Variants in ATP1A3 observed in about 807,000 individuals in gnomAD.
ATP1A3 encodes sodium/potassium-transporting ATPase subunit alpha-3.
ATP1A3 carries 12 observed loss-of-function variants against 108.8 expected under a neutral mutation model. That is an observed-to-expected ratio of 0.11 (90% CI 0.07 to 0.18). The LOEUF is 0.18. ATP1A3 is among the 10% of genes least tolerant of loss of function. The pLI is 1.00. For synonymous variants in ATP1A3, 539 were observed against 564.5 expected, an observed-to-expected ratio of 0.95 and a Z score of 0.64; for missense variants, 498 against 1,387.7, an observed-to-expected ratio of 0.36 and a Z score of 10.19.
rs782706785 is a variant in ATP1A3, at chr19:41,994,099, A to G, written c.-23T>C. ...CATCTTGGCGGCTCCGCGGCGAGAG[A>G]GCCAGGCGGGCGGGGCGGGGACCTC... On this transcript the variant is annotated 5_prime_UTR_variant, in exon 1 of 23. Transcript: ENST00000648268. 15 of 1,586,436 alleles carry G rather than the reference A, an allele frequency of 9.5e-6. No individual in the cohort carries two copies. The highest frequency in any genetic ancestry group is 1.3e-5 in the Non-Finnish European group (15 of 1,170,392).
chr19:41,974,044 A>G (rs947816501), intron 16 of ATP1A3, among the ~76,000 whole-genome samples: 9 of 152,202 alleles, frequency 5.9e-5, no homozygotes, highest in Admixed American at 5.2e-4. Flanking sequence ...CAGCCTGGCT[A>G]ACATGGTGAA....
chr19:41,980,119 C>A (rs911014540), intron 11 of ATP1A3, among the ~76,000 whole-genome samples: 16 of 152,376 alleles, frequency 1.1e-4, no homozygotes, highest in African/African-American at 2.4e-4. Context: ...GCTACCGGAG[C>A]GCTCTTCCCC....
chr19:41,988,071 A>G lies in ATP1A3; in HGVS notation c.222T>C (p.Pro74=). The G allele has an allele frequency of 6.2e-7, 1 of 1,614,124 alleles. No homozygotes were observed. The highest frequency in any genetic ancestry group is 8.5e-7 in the Non-Finnish European group (1 of 1,180,014). Residue 74 remains proline (P), a synonymous_variant, in exon 4 of 23, where the codon CCT becomes CCC. Coordinates refer to ENST00000648268, the MANE Select transcript of ATP1A3 (RefSeq NM_152296.5). This position sits in a 1 kb window ranked among gnomAD's most constrained non-coding sequence, Gnocchi z 5.3. The stretch of plus-strand genomic sequence containing the variant: ...AAAACTTGACCCACTCTGGGGTGGT[A>G]GGCGGTGGCGTGAGTGCGTTAGGCC... ...RDGPNALTPP[P]TTPEWVKFCR...
Position 41,988,690 on chromosome 19 carries a change from G to A in ATP1A3, c.7-128C>T, listed in dbSNP as rs1317402180. Reference sequence around the variant, plus strand: ...GGTGCCCCTGCATCTCTGGGTGGGGGGTCTCTGTCTGCCTCTCGGGGTCTC... The same window carrying A: ...GGTGCCCCTGCATCTCTGGGTGGGGAGTCTCTGTCTGCCTCTCGGGGTCTC... On this transcript the variant is annotated intron_variant, in intron 1 of 22. Transcript: ENST00000648268. The surrounding 1 kb of genome is among the most constrained non-coding windows in gnomAD (Gnocchi z 5.3). The A allele has an allele frequency of 1.3e-6, 2 of 1,573,352 alleles. No individual in the cohort carries two copies. The highest frequency in any genetic ancestry group is 1.7e-6 in the Non-Finnish European group (2 of 1,162,844).
intron 8 of ATP1A3, among the ~76,000 whole-genome samples, chr19:41,984,014 A>T (rs965947606): frequency 7.9e-5 from 12 of 151,608 alleles, no homozygotes; most frequent in African/African-American, 2.9e-4. Context: ...ACCTCAGGTG[A>T]TCCACCCGCC....
At chr19:41,970,600 C>A (rs2075093365) in intron 16 of ATP1A3, 58 bp from the exon 17 acceptor site, 2 of 1,586,836 alleles carry the variant, frequency 1.3e-6, no homozygotes, top group African/African-American at 1.3e-5. Flanking sequence ...ACTCCCTCTG[C>A]CCCTCCTCTG....
rs146053862 is a variant in ATP1A3, at chr19:41,988,101, C to T, written c.192G>A (p.Arg64=). 171 of 1,614,120 alleles carry T rather than the reference C, an allele frequency of 1.1e-4. 1 individual carries two copies. The African/African-American group carries it at 1.7e-3, about 16-fold the overall frequency. ...GTGGCGTGAGTGCGTTAGGCCCATCCCGGGCCAGGATCTCCTGGGCTTTGC... is the reference window on the plus strand; with the variant it reads ...GTGGCGTGAGTGCGTTAGGCCCATCTCGGGCCAGGATCTCCTGGGCTTTGC... ...THSKAQEILA[R]DGPNALTPPP... The change falls in exon 4 of 23, where the codon CGG becomes CGA. Residue 64 remains arginine, a synonymous_variant. Transcript: ENST00000648268. This position sits in a 1 kb window ranked among gnomAD's most constrained non-coding sequence, Gnocchi z 5.3.
intron 8 of ATP1A3, among the ~76,000 whole-genome samples, chr19:41,983,766 A>ATTTTTTTT (rs556483707): frequency 2.0e-5 from 2 of 101,266 alleles, no homozygotes; most frequent in African/African-American, 4.0e-5. Flanking sequence ...ATTTAAAAAA[A>ATTTTTTTT]TTTTTTTTTT....
intron 1 of ATP1A3, among the ~76,000 whole-genome samples, chr19:41,990,203 CT>C (rs2075323692): frequency 6.6e-6 from 1 of 151,936 alleles, no homozygotes; most frequent in African/African-American, 2.4e-5. Flanking sequence ...CTCTCTCTGT[CT>C]CTCTCTCTGT....
intron 19 of ATP1A3, among the ~76,000 whole-genome samples, chr19:41,969,184 C>A (rs1555859239): frequency 6.6e-6 from 1 of 152,118 alleles, no homozygotes; most frequent in Non-Finnish European, 1.5e-5. Context: ...GGACAGACAG[C>A]AACTGGGCTT....
At chr19:41,991,224 A>T (rs1257550846) in intron 1 of ATP1A3, among the ~76,000 whole-genome samples, 1 of 152,194 alleles carries the variant, frequency 6.6e-6, no homozygotes, top group Non-Finnish European at 1.5e-5. Context: ...GCTCAGCGCT[A>T]ATCTCCTCGT....
chr19:41,984,788 C>T, intron 8 of ATP1A3, 130 bp downstream of exon 8: 11 of 1,094,292 alleles, frequency 1.0e-5, no homozygotes, highest in Non-Finnish European at 1.4e-5. Flanking sequence ...CTCCCCCAGA[C>T]ACACGGGTCC....
Position 41,982,505 on chromosome 19 carries a change from C to T in ATP1A3, c.994-399G>A, listed in dbSNP as rs149372289. On this transcript the variant is annotated intron_variant, in intron 8 of 22. Transcript: ENST00000648268. ...GCAGGGCATGATGGTACACTCCTGT[C>T]ATCCCAGCTACTTGGGAAGCTGAGG... Among the ~76,000 whole-genome samples, 97 of 152,064 alleles carry T rather than the reference C, an allele frequency of 6.4e-4. 1 individual carries two copies. In the South Asian group the frequency reaches 7.3e-3, roughly 11 times the overall value.
In ATP1A3 at chr19:41,967,038, C is replaced by A. The variant is rs2075050116; in HGVS notation, c.3014-73G>T. ...GAGACAGGCAAGGCGAGCCGCCCAG[C>A]AGAGAGAGGGACAGAGAGGGAGAGA... On this transcript the variant is annotated intron_variant, in intron 22 of 22. Coordinates refer to ENST00000648268, the MANE Select transcript of ATP1A3 (RefSeq NM_152296.5). The surrounding 1 kb of genome is among the most constrained non-coding windows in gnomAD (Gnocchi z 4.2). 1.3e-6 allele frequency: 2 copies of A among 1,551,380 alleles called. No homozygotes were observed. The highest frequency in any genetic ancestry group is 1.7e-6 in the Non-Finnish European group (2 of 1,146,920).
chr19:41,987,665 G>A (rs2075299303), intron 4 of ATP1A3, among the ~76,000 whole-genome samples: 1 of 152,158 alleles, frequency 6.6e-6, no homozygotes, highest in African/African-American at 2.4e-5. Context: ...ACCTGCTGGT[G>A]TCTGTTCTCA....
intron 14 of ATP1A3, 33 bp downstream of exon 14, chr19:41,977,903 T>C (rs1555861913): frequency 6.2e-7 from 1 of 1,612,702 alleles, no homozygotes; most frequent in African/African-American, 1.3e-5. Flanking sequence ...CCTAGAGGGA[T>C]GTCCAGGGCC....
intron 1 of ATP1A3, chr19:41,993,376 G>GCACTCAGT: frequency 6.5e-7 from 1 of 1,535,336 alleles, no homozygotes; most frequent in South Asian, 1.2e-5. Flanking sequence ...CCTCAGCTGT[G>GCACTCAGT]CACTCAGTCT....
chr19:41,978,807 C>A lies in ATP1A3; in HGVS notation c.1438-9G>T, dbSNP rs782748442. 6.2e-7 allele frequency: 1 copy of A among 1,613,422 alleles called. No homozygotes were observed. The highest frequency in any genetic ancestry group is 8.5e-7 in the Non-Finnish European group (1 of 1,179,708). On this transcript the variant is annotated splice_polypyrimidine_tract_variant and intron_variant, in intron 11 of 22. Coordinates refer to ENST00000648268, the MANE Select transcript of ATP1A3 (RefSeq NM_152296.5). This position sits in a 1 kb window ranked among gnomAD's most constrained non-coding sequence, Gnocchi z 8.3. Reference sequence around the variant, plus strand: ...GTCTCATGGATGGAGAGCTGGGGACCGATCAGAGGGTGGCGTGCCTGAGCC... The same window carrying A: ...GTCTCATGGATGGAGAGCTGGGGACAGATCAGAGGGTGGCGTGCCTGAGCC...
At chr19:41,990,427 C>G (rs1357348773) in intron 1 of ATP1A3, among the ~76,000 whole-genome samples, 1 of 139,856 alleles carries the variant, frequency 7.2e-6, no homozygotes, top group African/African-American at 2.7e-5. Flanking sequence ...CTCTTTCTCT[C>G]TCTCCCTCTC....
Sources: gnomAD v4.1 joint callset for allele counts (sites outside exome capture counted in the v4.1 genomes callset) on GRCh38, gnomAD v4.1.1 for gene constraint, Gnocchi (gnomAD v3.1) non-coding constraint, MANE v1.5 for transcripts, NCBI Gene and HGNC (gene_info 2026-07-23, HGNC 2026-07-21) for gene names.